Variants in KCNQ1 observed in about 807,000 individuals in gnomAD.
The protein encoded by KCNQ1 is potassium voltage-gated channel subfamily KQT member 1.
A neutral mutation model predicts 72.4 loss-of-function variants in KCNQ1; 49 were observed. That is an observed-to-expected ratio of 0.68 (90% CI 0.54 to 0.86). The LOEUF (loss-of-function observed/expected upper bound fraction) is 0.86, where lower values mean the gene tolerates loss of function less well. Among genes scored for constraint, KCNQ1 ranks in the 40% least tolerant of loss-of-function variants. KCNQ1 has a pLI of 0.00. For synonymous variants in KCNQ1, 450 were observed against 412.6 expected, an observed-to-expected ratio of 1.09 and a Z score of -1.10; for missense variants, 790 against 945.1, an observed-to-expected ratio of 0.84 and a Z score of 2.15.
At position 2,703,304 on chromosome 11, in the gene KCNQ1, A is replaced by G. The variant is rs1032518820; in HGVS notation, c.1514+41223A>G. ...GGCTGCAGGGGTGGGTGTGAGACAG[A>G]GAGCCTGGGCACCTGGTGGCCACTC... On this transcript the variant is annotated intron_variant, in intron 11 of 15. Coordinates refer to ENST00000155840, the MANE Select transcript of KCNQ1 (RefSeq NM_000218.3). This position sits in a 1 kb window ranked among gnomAD's most constrained non-coding sequence, Gnocchi z 6.4. 6.6e-6 allele frequency among the ~76,000 whole-genome samples: 1 copy of G among 152,164 alleles called. No individual in the cohort carries two copies. The highest frequency in any genetic ancestry group is 1.5e-5 in the Non-Finnish European group (1 of 68,024).
At chr11:2,631,562 A>G (rs1301249959) in intron 10 of KCNQ1, 2 of 398,362 alleles carry the variant, frequency 5.0e-6, no homozygotes, top group Non-Finnish European at 4.4e-6. Context: ...CTGTAAGGCA[A>G]TTAATGTATC....
At position 2,784,602 on chromosome 11, in the gene KCNQ1, C is replaced by T. The variant is rs1305883936; in HGVS notation, c.1794+6565C>T. Among the ~76,000 whole-genome samples the T allele has an allele frequency of 6.6e-6, 1 of 151,878 alleles. No individual in the cohort carries two copies. The highest frequency in any genetic ancestry group is 1.5e-5 in the Non-Finnish European group (1 of 67,806). ...GATTTTGATAGGCATTGTGTTGAAT[C>T]TATAGATCCATTTGGGGAAAATTGA... On this transcript the variant is annotated intron_variant, in intron 15 of 15. Coordinates refer to ENST00000155840, the MANE Select transcript of KCNQ1 (RefSeq NM_000218.3). The surrounding 1 kb of genome is among the most constrained non-coding windows in gnomAD (Gnocchi z 4.7).
intron 2 of KCNQ1, among the ~76,000 whole-genome samples, chr11:2,540,470 T>C (rs1432465331): frequency 6.6e-6 from 1 of 152,218 alleles, no homozygotes; most frequent in Non-Finnish European, 1.5e-5. Flanking sequence ...GAGATTTTCT[T>C]TCTCCCGGGT....
chr11:2,596,708 TAGG>T, intron 10 of KCNQ1, among the ~76,000 whole-genome samples: 2 of 151,856 alleles, frequency 1.3e-5, no homozygotes, highest in South Asian at 4.2e-4. Context: ...GGGGTAGTAG[TAGG>T]AGGGAAAAGG....
intron 1 of KCNQ1, among the ~76,000 whole-genome samples, chr11:2,469,031 G>C (rs552909038): frequency 1.3e-3 from 201 of 152,308 alleles, no homozygotes; most frequent in African/African-American, 4.7e-3. Context: ...CAGTCCAGCA[G>C]CTCCGTGCGA....
At chr11:2,699,670 A>AACCGCGCCGAAGAATCCCCGGGGAGC (rs1850753230) in intron 11 of KCNQ1, 1 of 350,744 alleles carries the variant, frequency 2.9e-6, no homozygotes, top group African/African-American at 2.2e-5. Context: ...CCCCGGGGAG[A>AACCGCGCCGAAGAATCCCCGGGGAGC]ACCGCGCCGA....
chr11:2,714,548 G>C (rs1274040392), intron 11 of KCNQ1, among the ~76,000 whole-genome samples: 2 of 152,220 alleles, frequency 1.3e-5, no homozygotes, highest in Non-Finnish European at 2.9e-5. Flanking sequence ...ATAGATGGAG[G>C]AGCTCACAGC....
In KCNQ1 at chr11:2,565,828, TGG is replaced by T. The variant is rs1366968464; in HGVS notation, c.478-4797_478-4796del. 6.6e-6 allele frequency among the ~76,000 whole-genome samples: 1 copy of T among 152,208 alleles called. No homozygotes were observed. The highest frequency in any genetic ancestry group is 1.5e-5 in the Non-Finnish European group (1 of 68,028). ...GTGTCTCAGGGAGGGGCAGAACCCA[TGG>T]GGTTTGGCTTCCTGACCCTGAACGT... On this transcript the variant is annotated intron_variant, in intron 2 of 15. Coordinates refer to ENST00000155840, the MANE Select transcript of KCNQ1 (RefSeq NM_000218.3). This position sits in a 1 kb window ranked among gnomAD's most constrained non-coding sequence, Gnocchi z 5.6.
At position 2,498,830 on chromosome 11, in the gene KCNQ1, T is replaced by C. The variant is rs1846961925; in HGVS notation, c.387-29098T>C. Reference sequence around the variant, plus strand: ...CTGGTGGTATAGGCACATGAAGGAGTCTCCTGATCTGCAGATTGCAAAACC... The same window carrying C: ...CTGGTGGTATAGGCACATGAAGGAGCCTCCTGATCTGCAGATTGCAAAACC... On this transcript the variant is annotated intron_variant, in intron 1 of 15. Transcript: ENST00000155840. The surrounding 1 kb of genome is among the most constrained non-coding windows in gnomAD (Gnocchi z 4.8). Among the ~76,000 whole-genome samples, 1 of 151,858 alleles carries C rather than the reference T, an allele frequency of 6.6e-6. No homozygotes were observed. Among genetic ancestry groups the C allele is most frequent in the Non-Finnish European group, 1.5e-5 (1 of 67,956 alleles).
chr11:2,597,817 T>C (rs767767193), intron 10 of KCNQ1, among the ~76,000 whole-genome samples: 5 of 152,188 alleles, frequency 3.3e-5, no homozygotes, highest in Non-Finnish European at 7.3e-5. Flanking sequence ...TTGGAGTAAT[T>C]TATTCATTGC....
chr11:2,728,380 G>A (rs1845800724), intron 11 of KCNQ1, among the ~76,000 whole-genome samples: 1 of 152,248 alleles, frequency 6.6e-6, no homozygotes, highest in African/African-American at 2.4e-5. Context: ...ACAGCCGGCT[G>A]AACGCCAACT....
intron 11 of KCNQ1, among the ~76,000 whole-genome samples, chr11:2,733,774 C>CACACACACACACACACACACACACACACA (rs1845891956): frequency 3.5e-5 from 2 of 57,492 alleles, no homozygotes; most frequent in African/African-American, 1.3e-4. Flanking sequence ...TTCAGGCCTT[C>CACACACACACACACACACACACACACACA]CACACACACA....
At chr11:2,465,073 C>T (rs1846332363) in intron 1 of KCNQ1, among the ~76,000 whole-genome samples, 1 of 152,218 alleles carries the variant, frequency 6.6e-6, no homozygotes, top group Admixed American at 6.5e-5. Flanking sequence ...GGCTGTTAGC[C>T]ACATGCTTAG....
intron 11 of KCNQ1, among the ~76,000 whole-genome samples, chr11:2,730,565 C>T (rs1391004867): frequency 3.3e-5 from 5 of 152,160 alleles, no homozygotes; most frequent in African/African-American, 1.2e-4. Context: ...TCAATAGCAG[C>T]GTGGTGGGGT....
intron 11 of KCNQ1, chr11:2,666,994 G>A (rs2133863283): frequency 2.5e-6 from 1 of 398,718 alleles, no homozygotes; most frequent in Non-Finnish European, 4.4e-6. Flanking sequence ...GGCTGTACAG[G>A]GCTGCATGAG....
rs1848681821 is a variant in KCNQ1 at position 2,592,377 on chromosome 11, C to T, written c.1393+3523C>T. Among the ~76,000 whole-genome samples, 1 of 152,186 alleles carries T rather than the reference C, an allele frequency of 6.6e-6. No homozygotes were observed. The highest frequency in any genetic ancestry group is 6.5e-5 in the Admixed American group (1 of 15,278). Reference sequence around the variant, plus strand: ...GGTAGAAGGTCCCCCATGGTAGCATCAGAACACAGACTAACCTGCAGCAAA... The same window carrying T: ...GGTAGAAGGTCCCCCATGGTAGCATTAGAACACAGACTAACCTGCAGCAAA... On this transcript the variant is annotated intron_variant, in intron 10 of 15. Coordinates refer to ENST00000155840, the MANE Select transcript of KCNQ1 (RefSeq NM_000218.3). This position sits in a 1 kb window ranked among gnomAD's most constrained non-coding sequence, Gnocchi z 5.2.
In KCNQ1 at chr11:2,671,127, G is replaced by T. The variant is rs1235781598; in HGVS notation, c.1514+9046G>T. 1.0e-5 allele frequency: 4 copies of T among 398,554 alleles called. No homozygotes were observed. Among genetic ancestry groups the T allele is most frequent in the Non-Finnish European group, 1.8e-5 (4 of 226,102 alleles). The allele number at this position is 398,554 out of a possible 1,614,324, so 24.7% of individuals were successfully genotyped here. A position where few individuals can be genotyped will look rare whatever the true frequency, so the allele number is the denominator to read the frequency against. ...CTGAGCAGTTAGTCTGTCAGGCCTG[G>T]TTGGTCCCATGGGAGGCCTGAGGTG... On this transcript the variant is annotated intron_variant, in intron 11 of 15. Transcript: ENST00000155840. This position sits in a 1 kb window ranked among gnomAD's most constrained non-coding sequence, Gnocchi z 4.7.
intron 10 of KCNQ1, chr11:2,638,543 C>G (rs1056548312): frequency 6.6e-6 from 1 of 152,130 alleles, no homozygotes; most frequent in African/African-American, 2.4e-5. Flanking sequence ...CTGAGAGATC[C>G]GCCGTTAGTC....
In KCNQ1 at chr11:2,509,015, T is replaced by C. The variant is rs949264890; in HGVS notation, c.387-18913T>C. On this transcript the variant is annotated intron_variant, in intron 1 of 15. Coordinates refer to ENST00000155840, the MANE Select transcript of KCNQ1 (RefSeq NM_000218.3). This position sits in a 1 kb window ranked among gnomAD's most constrained non-coding sequence, Gnocchi z 6.3. Reference sequence around the variant, plus strand: ...AAGGGTGTGCAGAGTCTGCATGGGATTTGACTGAGCAATCTGGAAGGCTTC... The same window carrying C: ...AAGGGTGTGCAGAGTCTGCATGGGACTTGACTGAGCAATCTGGAAGGCTTC... Among the ~76,000 whole-genome samples the C allele has an allele frequency of 6.6e-6, 1 of 152,046 alleles. No homozygotes were observed. The highest frequency in any genetic ancestry group is 2.4e-5 in the African/African-American group (1 of 41,412).
Sources: allele counts gnomAD v4.1 joint callset (sites outside exome capture counted in the v4.1 genomes callset), GRCh38; gene constraint gnomAD v4.1.1; non-coding constraint Gnocchi (gnomAD v3.1); transcripts MANE v1.5; gene names NCBI Gene and HGNC (gene_info 2026-07-23, HGNC 2026-07-21).